SRCAP: variants seen among roughly 807,000 people sequenced by gnomAD.
SRCAP encodes Snf2 related CREBBP activator protein, also known as chromatin remodeling protein SRCAP.
SRCAP carries 46 observed loss-of-function variants against 263.1 expected under a neutral mutation model. That is an observed-to-expected ratio of 0.17 (90% CI 0.14 to 0.22). The LOEUF (loss-of-function observed/expected upper bound fraction) is 0.22, where lower values mean the gene tolerates loss of function less well. Among genes scored for constraint, SRCAP ranks in the 10% least tolerant of loss-of-function variants. The pLI is 1.00. For synonymous variants in SRCAP, 1,813 were observed against 1,662.1 expected, an observed-to-expected ratio of 1.09 and a Z score of -2.21; for missense variants, 3,695 against 4,181.9, an observed-to-expected ratio of 0.88 and a Z score of 3.21.
chr16:30,700,586 TC>T, intron 2 of SRCAP, 29 bp from the exon 3 acceptor site: 1 of 417,892 alleles, frequency 2.4e-6, no homozygotes, highest in Non-Finnish European at 4.3e-6. Context: ...TGCATTTCTG[TC>T]TTTTTTTTTT....
intron 4 of SRCAP, among the ~76,000 whole-genome samples, chr16:30,706,706 C>T (rs1015344501): frequency 2.0e-5 from 3 of 152,096 alleles, no homozygotes; most frequent in African/African-American, 7.2e-5. Flanking sequence ...TATTTCTAAG[C>T]TTAATGCATC....
In SRCAP at chr16:30,720,564, T is replaced by C. The variant is rs563124037; in HGVS notation, c.2988-149T>C. The C allele has an allele frequency of 1.4e-5, 15 of 1,107,864 alleles. No individual in the cohort carries two copies. In the East Asian group the frequency reaches 3.6e-4, roughly 27 times the overall value. The allele number at this position is 1,107,864 out of a possible 1,614,324, so 68.6% of individuals were successfully genotyped here. A position where few individuals can be genotyped will look rare whatever the true frequency, so the allele number is the denominator to read the frequency against. Reference sequence around the variant, plus strand: ...TCTGTTCGGTGCTTTCTGATTGTCTTAAATTCCTATTCCTTGTTCTCCTTT... The same window carrying C: ...TCTGTTCGGTGCTTTCTGATTGTCTCAAATTCCTATTCCTTGTTCTCCTTT... On this transcript the variant is annotated intron_variant, in intron 19 of 33. Transcript: ENST00000262518.
At chr16:30,731,381 T>C (rs1358786766) in intron 27 of SRCAP, among the ~76,000 whole-genome samples, 1 of 152,196 alleles carries the variant, frequency 6.6e-6, no homozygotes, top group Admixed American at 6.5e-5. Flanking sequence ...GAATGGCTAT[T>C]GGGTAAGTGA....
Position 30,739,494 on chromosome 16 carries a change from G to A in SRCAP, c.9454G>A (p.Ala3152Thr), listed in dbSNP as rs752355692. The change falls in exon 34 of 34, where the codon GCA becomes ACA. Residue 3152 changes from alanine (A) to threonine (T), a missense_variant. By Grantham distance (58) the Ala-to-Thr change is moderately conservative. Transcript: ENST00000262518. ...CCCAGTTGGTGGGAGTCCTGGGCTGGCAAAGCGGGGCCGCCTACAGCCCCC... is the reference window on the plus strand; with the variant it reads ...CCCAGTTGGTGGGAGTCCTGGGCTGACAAAGCGGGGCCGCCTACAGCCCCC... The part of the protein sequence containing the change: ...GAPVGGSPGL[A>T]KRGRLQPPSP... 9 of 1,613,502 alleles carry A rather than the reference G, an allele frequency of 5.6e-6. No homozygotes were observed. The highest frequency in any genetic ancestry group is 1.3e-5 in the African/African-American group (1 of 74,944).
At position 30,738,327 on chromosome 16, in the gene SRCAP, C is replaced by T. The variant is rs1567254267; in HGVS notation, c.8287C>T (p.Leu2763=). The T allele has an allele frequency of 3.8e-6, 6 of 1,585,346 alleles. No homozygotes were observed. The highest frequency in any genetic ancestry group is 4.5e-5 in the East Asian group (2 of 44,614). ...RLVTVVEEKE[L]VRRRRQQRGA... ...GGTAACTGTGGTAGAGGAAAAGGAACTGGTGCGGCGGCGGCGGCAGCAGCG... is the reference window on the plus strand; with the variant it reads ...GGTAACTGTGGTAGAGGAAAAGGAATTGGTGCGGCGGCGGCGGCAGCAGCG... The change falls in exon 34 of 34, where the codon CTG becomes TTG. Residue 2763 remains leucine, a synonymous_variant. Transcript: ENST00000262518.
At chr16:30,701,103 T>C (rs2052761367) in intron 3 of SRCAP, among the ~76,000 whole-genome samples, 1 of 152,186 alleles carries the variant, frequency 6.6e-6, no homozygotes, top group Non-Finnish European at 1.5e-5. Context: ...TGAAAAAGGT[T>C]GAATTAGGCT....
At position 30,738,160 on chromosome 16, in the gene SRCAP, C is replaced by A; in HGVS notation, c.8120C>A (p.Ala2707Asp). The A allele has an allele frequency of 6.2e-7, 1 of 1,614,206 alleles. No individual in the cohort carries two copies. Among genetic ancestry groups the A allele is most frequent in the Non-Finnish European group, 8.5e-7 (1 of 1,180,038 alleles). The change falls in exon 34 of 34, where the codon GCC becomes GAC. Residue 2707 changes from alanine (A) to aspartate (D), a missense_variant. Around this residue, in one of 12 missense-constraint regions of SRCAP, gnomAD observed 1,207 missense variants for 1,142.9 expected, o/e 1.06. Transcript: ENST00000262518. ...EVAAPSTSSS[A>D]TSSPEGPSPA... ...GCAGCTCCATCCACCTCATCTTCAG[C>A]CACTTCCTCGCCTGAGGGTCCTTCA...
intron 16 of SRCAP, among the ~76,000 whole-genome samples, chr16:30,714,006 T>G (rs1415459714): frequency 6.7e-6 from 1 of 149,824 alleles, no homozygotes; most frequent in African/African-American, 2.5e-5. Context: ...CACACCATTC[T>G]CCTGCCTCAG....
rs141077295 is a variant in SRCAP at position 30,722,117 on chromosome 16, T to C, written c.3542-5T>C. The C allele has an allele frequency of 6.6e-5, 107 of 1,612,510 alleles. No individual in the cohort carries two copies. The highest frequency in any genetic ancestry group is 8.7e-5 in the Non-Finnish European group (102 of 1,179,080). Reference sequence around the variant, plus strand: ...TGTGTACAATAAGGCCTTCTCTGTTTTTAGCAGGCGAAGTGGTCAGCATCG... The same window carrying C: ...TGTGTACAATAAGGCCTTCTCTGTTCTTAGCAGGCGAAGTGGTCAGCATCG... On this transcript the variant is annotated splice_region_variant and splice_polypyrimidine_tract_variant and intron_variant, in intron 21 of 33. Transcript: ENST00000262518.
chr16:30,736,495 C>T (rs373046290), intron 32 of SRCAP, 46 bp from the exon 33 acceptor site: 205 of 1,613,022 alleles, frequency 1.3e-4, no homozygotes, highest in Middle Eastern at 1.2e-3. Flanking sequence ...TGGTGGGGCC[C>T]TGGGTACCAG....
chr16:30,725,662 A>G (rs1265285238), intron 25 of SRCAP: 4 of 153,228 alleles, frequency 2.6e-5, no homozygotes, highest in African/African-American at 4.8e-5. Context: ...GGCTGGTTGG[A>G]AGTAGAGAGT....
rs773799183 is a variant in SRCAP, at chr16:30,728,963, CA to C, written c.5659-2del. On this transcript the variant is annotated splice_acceptor_variant, in intron 25 of 33. Transcript: ENST00000262518. LOFTEE classifies it high-confidence loss of function. ...TTACTTCCTCTTTTTCTCTCACCCCCAGGACTCCCTGGAGGAAAAGCGGAAG... is the reference window on the plus strand; with the variant it reads ...TTACTTCCTCTTTTTCTCTCACCCCCGGACTCCCTGGAGGAAAAGCGGAAG... 1 of 1,609,866 alleles carries C rather than the reference CA, an allele frequency of 6.2e-7. No individual in the cohort carries two copies. Among genetic ancestry groups the C allele is most frequent in the Non-Finnish European group, 8.5e-7 (1 of 1,176,692 alleles).
intron 3 of SRCAP, among the ~76,000 whole-genome samples, chr16:30,703,149 C>CTATATATGTATATA (rs1555463065): frequency 1.4e-5 from 2 of 143,368 alleles, no homozygotes; most frequent in African/African-American, 5.2e-5. Flanking sequence ...AAATCATATG[C>CTATATATGTATATA]TATATATATA....
At position 30,725,021 on chromosome 16, in the gene SRCAP, C is replaced by T. The variant is rs539504353; in HGVS notation, c.5597C>T (p.Ser1866Leu). ...GPPSPPSTAT[S>L]FGGPRPRRQP... The stretch of plus-strand genomic sequence containing the variant: ...CCCAGCCCTCCCTCCACTGCTACCT[C>T]GTTTGGTGGCCCCCGGCCTCGACGC... Residue 1866 changes from serine to leucine, a missense_variant, in exon 25 of 34, where the codon TCG becomes TTG. This residue lies in a region of SRCAP where 1,347 missense variants were observed against 1,304.4 expected (regional missense o/e 1.03). Transcript: ENST00000262518. 8 of 1,614,028 alleles carry T rather than the reference C, an allele frequency of 5.0e-6. No individual in the cohort carries two copies. Among genetic ancestry groups the T allele is most frequent in the South Asian group, 3.3e-5 (3 of 91,086 alleles).
At chr16:30,728,934 C>A in intron 25 of SRCAP, 32 bp from the exon 26 acceptor site, 2 of 1,591,006 alleles carry the variant, frequency 1.3e-6, no homozygotes, top group Non-Finnish European at 1.7e-6. Context: ...TCTGAGGGTG[C>A]TGATTACTTC....
At chr16:30,736,861 C>G (rs748545494) in intron 33 of SRCAP, among the ~76,000 whole-genome samples, 188 bp from the exon 34 acceptor site, 5 of 151,746 alleles carry the variant, frequency 3.3e-5, no homozygotes, top group Non-Finnish European at 5.9e-5. Flanking sequence ...TTAGTAGAGA[C>G]GGGGGTTTCA....
At chr16:30,707,112 G>A (rs2052836193) in intron 4 of SRCAP, 71 bp from the exon 5 acceptor site, 4 of 1,525,604 alleles carry the variant, frequency 2.6e-6, no homozygotes, top group Admixed American at 1.8e-5. Flanking sequence ...TTAGTGCTCA[G>A]GAATTCAGCC....
rs759334512 is a variant in SRCAP, at chr16:30,722,656, C to G, written c.3800C>G (p.Pro1267Arg). 6.2e-7 allele frequency: 1 copy of G among 1,614,090 alleles called. No individual in the cohort carries two copies. The highest frequency in any genetic ancestry group is 2.2e-5 in the East Asian group (1 of 44,848). ...VALIQAVAPT[P>R]GPTPVSVLPS... is the part of the protein sequence containing the mutation. ...CTCATCCAGGCCGTGGCCCCGACCC[C>G]TGGCCCTACCCCTGTCTCTGTGCTG... Residue 1267 changes from proline to arginine, a missense_variant, in exon 23 of 34, where the codon CCT (proline) becomes CGT (arginine). Pro to Arg is a moderately radical substitution (Grantham distance 103). Coordinates refer to ENST00000262518, the MANE Select transcript of SRCAP (RefSeq NM_006662.3).
At chr16:30,736,004 A>G (rs544171321) in intron 31 of SRCAP, among the ~76,000 whole-genome samples, 196 bp from the exon 32 acceptor site, 1 of 150,596 alleles carries the variant, frequency 6.6e-6, no homozygotes, top group East Asian at 2.0e-4. Flanking sequence ...CCCTAGTGGG[A>G]GTCCTGGTAA....
Sources: allele counts gnomAD v4.1 joint callset (sites outside exome capture counted in the v4.1 genomes callset), GRCh38; gene constraint gnomAD v4.1.1; regional missense constraint gnomAD v4.1.1; transcripts MANE v1.5; gene names NCBI Gene and HGNC (gene_info 2026-07-23, HGNC 2026-07-21).